Variants in SLCO2B1 observed in about 807,000 individuals in gnomAD.
SLCO2B1 encodes solute carrier organic anion transporter family member 2B1, also known as OATP-RP2.
SLCO2B1 carries 41 observed loss-of-function variants against 67.3 expected under a neutral mutation model. The ratio of observed to expected loss-of-function variants is 0.61; its 90% confidence interval spans 0.47 to 0.79. The LOEUF (loss-of-function observed/expected upper bound fraction) is 0.79. Ranked by LOEUF, SLCO2B1 falls within the 30% of genes least tolerant of loss-of-function variation. SLCO2B1 has a pLI of 0.00. For missense variants in SLCO2B1, 837 were observed against 920.1 expected (o/e 0.91, Z 1.17); for synonymous variants, 379 against 381.4 (o/e 0.99, Z 0.07).
intron 1 of SLCO2B1, among the ~76,000 whole-genome samples, chr11:75,156,887 T>C (rs1949753367): frequency 6.6e-6 from 1 of 152,148 alleles, no homozygotes; most frequent in Non-Finnish European, 1.5e-5. Flanking sequence ...AGTGTAGCAG[T>C]GAGGACAACC....
Position 75,151,327 on chromosome 11 carries a change from A to C in SLCO2B1, c.-55A>C. The C allele has an allele frequency of 6.3e-7, 1 of 1,577,918 alleles. No individual in the cohort carries two copies. Among genetic ancestry groups the C allele is most frequent in the Non-Finnish European group, 8.7e-7 (1 of 1,151,644 alleles). ...AAGATTTGCTTCCTCTCCCCTGCTA[A>C]GCTCCAGGTCCTGAGATTAAATTAG... On this transcript the variant is annotated 5_prime_UTR_variant, in exon 1 of 14. Transcript: ENST00000289575.
chr11:75,165,691 A>T, intron 3 of SLCO2B1, 96 bp from the exon 4 acceptor site: 2 of 1,312,054 alleles, frequency 1.5e-6, no homozygotes, highest in South Asian at 2.7e-5. Context: ...CATTATTCAG[A>T]TGGGCATACG....
intron 7 of SLCO2B1, among the ~76,000 whole-genome samples, chr11:75,185,891 T>C (rs970513258): frequency 2.0e-5 from 3 of 152,188 alleles, no homozygotes; most frequent in Non-Finnish European, 4.4e-5. Context: ...CAAGAATCGA[T>C]ATTATTATAT....
chr11:75,175,289 C>T (rs1392301642), intron 7 of SLCO2B1, among the ~76,000 whole-genome samples: 2 of 152,136 alleles, frequency 1.3e-5, no homozygotes, highest in South Asian at 2.1e-4. Flanking sequence ...CTTGCAGTAA[C>T]GTGGTTGGCC....
At chr11:75,192,561 G>C (rs557129012) in intron 8 of SLCO2B1, among the ~76,000 whole-genome samples, 1 of 152,100 alleles carries the variant, frequency 6.6e-6, no homozygotes, top group Non-Finnish European at 1.5e-5. Context: ...TGGGTGGGGC[G>C]GGGGAGAGGA....
At chr11:75,166,177 C>T (rs1949889834) in intron 4 of SLCO2B1, among the ~76,000 whole-genome samples, 1 of 152,144 alleles carries the variant, frequency 6.6e-6, no homozygotes, top group Admixed American at 6.5e-5. Flanking sequence ...GGGGTGAGGG[C>T]CTGCTTGTAT....
At chr11:75,172,178 A>T (rs2140315848) in intron 6 of SLCO2B1, among the ~76,000 whole-genome samples, 1 of 152,280 alleles carries the variant, frequency 6.6e-6, no homozygotes, top group Non-Finnish European at 1.5e-5. Flanking sequence ...CTGCCTTGGT[A>T]GTTGAAGAAG....
Position 75,200,256 on chromosome 11 carries a change from G to A in SLCO2B1, c.1632G>A (p.Glu544=), listed in dbSNP as rs1197872474. 1 of 1,613,536 alleles carries A rather than the reference G, an allele frequency of 6.2e-7. No homozygotes were observed. Among genetic ancestry groups the A allele is most frequent in the Non-Finnish European group, 8.5e-7 (1 of 1,179,754 alleles). ...VFYTNCSCVV[E]GNPVLAGSCD... is the part of the protein sequence containing the mutation. ...ACACCAACTGCAGCTGCGTGGTGGA[G>A]GGCAACCCCGTGCTGGCAGGATCCT... The change falls in exon 11 of 14, where the codon GAG becomes GAA. Residue 544 remains glutamate (E), a synonymous_variant. Transcript: ENST00000289575.
At chr11:75,203,865 A>G in intron 13 of SLCO2B1, 1 of 171,974 alleles carries the variant, frequency 5.8e-6, no homozygotes, top group Non-Finnish European at 1.2e-5. Context: ...CATCTGTACA[A>G]AGGGGAACTC....
In SLCO2B1 at chr11:75,181,841, G is replaced by A. The variant is rs544670034; in HGVS notation, c.973-6295G>A. ...TGGGTCACACTGCAATCCCTGCACT[G>A]AGCAGAGGCACGTTTCCTGTTTCTG... On this transcript the variant is annotated intron_variant, in intron 7 of 13. Transcript: ENST00000289575. Among the ~76,000 whole-genome samples, 7 of 152,324 alleles carry A rather than the reference G, an allele frequency of 4.6e-5. No individual in the cohort carries two copies. In the East Asian group the frequency reaches 1.4e-3, roughly 29 times the overall value.
chr11:75,166,688 A>T (rs1196423726), intron 4 of SLCO2B1, among the ~76,000 whole-genome samples: 1 of 151,716 alleles, frequency 6.6e-6, no homozygotes, highest in Non-Finnish European at 1.5e-5. Flanking sequence ...CACGCAACAA[A>T]CTCTTAATGC....
intron 7 of SLCO2B1, among the ~76,000 whole-genome samples, chr11:75,177,811 T>C (rs1016340837): frequency 1.3e-5 from 2 of 152,036 alleles, no homozygotes; most frequent in African/African-American, 4.8e-5. Context: ...GAACTCCAAA[T>C]GAGGCTGGGT....
At chr11:75,165,147 T>C (rs1416986175) in intron 3 of SLCO2B1, among the ~76,000 whole-genome samples, 2 of 152,142 alleles carry the variant, frequency 1.3e-5, no homozygotes, top group Admixed American at 6.5e-5. Flanking sequence ...AGGTCAAGCC[T>C]TGGGCCAGGC....
intron 7 of SLCO2B1, among the ~76,000 whole-genome samples, chr11:75,175,725 T>TCTC (rs1950015148): frequency 6.6e-6 from 1 of 152,116 alleles, no homozygotes; most frequent in Non-Finnish European, 1.5e-5. Context: ...GTGAGCATTT[T>TCTC]CACAGGGGAA....
chr11:75,195,985 G>A (rs994302777), intron 9 of SLCO2B1, among the ~76,000 whole-genome samples: 5 of 152,198 alleles, frequency 3.3e-5, no homozygotes, highest in African/African-American at 7.2e-5. Context: ...AGGCAAGTGG[G>A]ACTAAAATGT....
At chr11:75,188,332 T>C in intron 8 of SLCO2B1, 94 bp downstream of exon 8, 1 of 795,166 alleles carries the variant, frequency 1.3e-6, no homozygotes, top group Non-Finnish European at 2.2e-6. Flanking sequence ...TTGATTCATC[T>C]TCTCTACCTG....
At position 75,196,632 on chromosome 11, in the gene SLCO2B1, G is replaced by A; in HGVS notation, c.1552G>A (p.Ala518Thr). 3 of 1,613,960 alleles carry A rather than the reference G, an allele frequency of 1.9e-6. No individual in the cohort carries two copies. The highest frequency in any genetic ancestry group is 1.1e-5 in the South Asian group (1 of 91,064). ...TGTGGAATACATCACACCCTGCCAC[G>A]CAGGCTGCTCAAGCTGGGTGGTCCA... ...TRVEYITPCH[A>T]GCSSWVVQDA... Residue 518 changes from alanine (A) to threonine (T), a missense_variant, in exon 10 of 14, where the codon GCA becomes ACA. Physicochemically the swap from Ala to Thr is moderately conservative, Grantham distance 58. Coordinates refer to ENST00000289575, the MANE Select transcript of SLCO2B1 (RefSeq NM_007256.5).
chr11:75,201,246 A>C (rs1945177652), intron 11 of SLCO2B1: 1 of 151,286 alleles, frequency 6.6e-6, no homozygotes, highest in South Asian at 2.1e-4. Flanking sequence ...ACGGTCTCGA[A>C]CTCCTGACCT....
chr11:75,204,718 G>A lies in SLCO2B1; in HGVS notation c.*138G>A. The stretch of plus-strand genomic sequence containing the variant: ...TAAATTGCTGTGTGACTTCAGGCAA[G>A]ACATTGATCCTCTCTCAGCCTTTGC... On this transcript the variant is annotated 3_prime_UTR_variant, in exon 14 of 14. Coordinates refer to ENST00000289575, the MANE Select transcript of SLCO2B1 (RefSeq NM_007256.5). 2.9e-6 allele frequency: 2 copies of A among 689,946 alleles called. No homozygotes were observed. Among genetic ancestry groups the A allele is most frequent in the East Asian group, 3.1e-5 (1 of 32,676 alleles). 42.7% of individuals were successfully genotyped at this position (689,946 alleles called of 1,614,324 possible).
Sources: gnomAD v4.1 joint callset for allele counts (sites outside exome capture counted in the v4.1 genomes callset) on GRCh38, gnomAD v4.1.1 for gene constraint, MANE v1.5 for transcripts, NCBI Gene and HGNC (gene_info 2026-07-23, HGNC 2026-07-21) for gene names.